RUFY3: variants seen among roughly 807,000 people sequenced by gnomAD.
RUFY3 encodes RUN and FYVE domain containing 3.
Under a neutral mutation model 84.0 loss-of-function variants are expected in RUFY3, and 34 were observed. The ratio of observed to expected loss-of-function variants is 0.40; its 90% confidence interval spans 0.31 to 0.54. The LOEUF is 0.54. Among genes scored for constraint, RUFY3 ranks in the 20% least tolerant of loss-of-function variants. The probability of loss-of-function intolerance (pLI) is 0.39; values close to 1 mark genes in which losing one functional copy is unlikely to be tolerated. For missense variants in RUFY3, 507 were observed against 736.8 expected (o/e 0.69, Z 3.61); for synonymous variants, 242 against 252.9 (o/e 0.96, Z 0.41).
intron 1 of RUFY3, 99 bp from the exon 2 acceptor site, chr4:70,762,420 C>A: frequency 9.5e-7 from 1 of 1,048,534 alleles, no homozygotes; most frequent in Non-Finnish European, 1.4e-6. Flanking sequence ...CATTTTTTTT[C>A]ACAGTGAGTA....
chr4:70,728,696 C>G (rs1718712111), intron 1 of RUFY3, among the ~76,000 whole-genome samples: 1 of 151,976 alleles, frequency 6.6e-6, no homozygotes, highest in Non-Finnish European at 1.5e-5. Context: ...TTTCTTTTTT[C>G]TTCCACATTC....
chr4:70,739,375 G>A (rs563293155), intron 1 of RUFY3, among the ~76,000 whole-genome samples: 83 of 152,210 alleles, frequency 5.5e-4, no homozygotes, highest in Middle Eastern at 3.4e-3. Flanking sequence ...GAGAAATCCA[G>A]TTGTAAGTGT....
rs1365806938 is a variant in RUFY3 at position 70,722,480 on chromosome 4, G to T, written c.-94G>T. ...GCTTTGTTTCAGAGCTTTGTATTGGGTTTTTTTGGTGAGGAGGTTGTATTT... is the reference window on the plus strand; with the variant it reads ...GCTTTGTTTCAGAGCTTTGTATTGGTTTTTTTTGGTGAGGAGGTTGTATTT... On this transcript the variant is annotated 5_prime_UTR_variant, in exon 1 of 18. Coordinates refer to ENST00000381006, the MANE Select transcript of RUFY3 (RefSeq NM_001037442.4). 5 of 1,446,572 alleles carry T rather than the reference G, an allele frequency of 3.5e-6. No individual in the cohort carries two copies. Among genetic ancestry groups the T allele is most frequent in the African/African-American group, 2.8e-5 (2 of 70,652 alleles). The allele number at this position is 1,446,572 out of a possible 1,614,324, so 89.6% of individuals were successfully genotyped here. A position where few individuals can be genotyped will look rare whatever the true frequency, so the allele number is the denominator to read the frequency against.
At chr4:70,761,229 A>G (rs192740390) in intron 1 of RUFY3, among the ~76,000 whole-genome samples, 2 of 152,344 alleles carry the variant, frequency 1.3e-5, no homozygotes, top group East Asian at 3.9e-4. Flanking sequence ...CGTCAGATCC[A>G]GGTCCAGATT....
chr4:70,793,451 G>A (rs1382873371), intron 12 of RUFY3: 2 of 1,127,598 alleles, frequency 1.8e-6, no homozygotes, highest in Non-Finnish European at 2.2e-6. Context: ...AAATTACTGT[G>A]TACTTGAGGT....
intron 15 of RUFY3, among the ~76,000 whole-genome samples, chr4:70,801,206 A>G (rs933404374): frequency 6.6e-6 from 1 of 152,098 alleles, no homozygotes. Flanking sequence ...TGGTAAGAGA[A>G]GGAAGGAACG....
intron 1 of RUFY3, among the ~76,000 whole-genome samples, chr4:70,708,694 T>C (rs1039135513): frequency 2.0e-5 from 3 of 152,206 alleles, no homozygotes; most frequent in Non-Finnish European, 1.5e-5. Context: ...TTTTAAAAAT[T>C]AAATTTTACA....
chr4:70,775,260 T>C, intron 7 of RUFY3, 27 bp downstream of exon 7: 2 of 1,410,206 alleles, frequency 1.4e-6, no homozygotes, highest in Non-Finnish European at 2.0e-6. Flanking sequence ...TATATTACTT[T>C]ACTGGGGAAT....
chr4:70,790,480 A>C (rs575667881), intron 12 of RUFY3, among the ~76,000 whole-genome samples: 2 of 152,124 alleles, frequency 1.3e-5, no homozygotes, highest in African/African-American at 4.8e-5. Context: ...AAATGTCCTA[A>C]TTCTTCCCAC....
At chr4:70,763,326 C>T (rs1408544518) in intron 2 of RUFY3, among the ~76,000 whole-genome samples, 2 of 152,012 alleles carry the variant, frequency 1.3e-5, no homozygotes, top group Non-Finnish European at 2.9e-5. Context: ...TATTATAGGG[C>T]TAGGCCACAA....
chr4:70,757,336 G>A (rs1724201451), intron 1 of RUFY3, among the ~76,000 whole-genome samples: 1 of 151,990 alleles, frequency 6.6e-6, no homozygotes, highest in Non-Finnish European at 1.5e-5. Flanking sequence ...CGGGCGCGGT[G>A]GTTCATGCCT....
chr4:70,722,523 G>A lies in RUFY3; in HGVS notation c.-51G>A, dbSNP rs756852909. 6.4e-7 allele frequency: 1 copy of A among 1,564,388 alleles called. No individual in the cohort carries two copies. The highest frequency in any genetic ancestry group is 8.7e-7 in the Non-Finnish European group (1 of 1,151,266). Reference sequence around the variant, plus strand: ...TTGTATTTATTTTTTTGGTGTGTGTGTGTGAGTGTGTGTGTGTCTGTGTGT... The same window carrying A: ...TTGTATTTATTTTTTTGGTGTGTGTATGTGAGTGTGTGTGTGTCTGTGTGT... On this transcript the variant is annotated 5_prime_UTR_variant, in exon 1 of 18. In the 5' UTR this introduces an upstream ATG that the reference lacks. Coordinates refer to ENST00000381006, the MANE Select transcript of RUFY3 (RefSeq NM_001037442.4).
intron 1 of RUFY3, among the ~76,000 whole-genome samples, chr4:70,743,321 C>T (rs1721623518): frequency 6.6e-6 from 1 of 152,114 alleles, no homozygotes; most frequent in Admixed American, 6.6e-5. Flanking sequence ...ATCCACCTGC[C>T]TCAGCCTCTC....
chr4:70,735,614 G>A (rs541750599), intron 1 of RUFY3, among the ~76,000 whole-genome samples: 26 of 152,306 alleles, frequency 1.7e-4, no homozygotes, highest in African/African-American at 6.0e-4. Context: ...GCCAAGGCAG[G>A]CGGATTGCTT....
intron 2 of RUFY3, among the ~76,000 whole-genome samples, chr4:70,762,971 C>G (rs955468400): frequency 6.6e-6 from 1 of 152,004 alleles, no homozygotes; most frequent in Non-Finnish European, 1.5e-5. Context: ...ATAGGCCTGC[C>G]CAGAATGAGA....
At chr4:70,764,441 T>A in intron 3 of RUFY3, 34 bp from the exon 4 acceptor site, 1 of 1,411,024 alleles carries the variant, frequency 7.1e-7, no homozygotes, top group African/African-American at 1.4e-5. Context: ...CTGGTGCTTA[T>A]GTTTTCAGTT....
intron 4 of RUFY3, among the ~76,000 whole-genome samples, chr4:70,767,023 T>A (rs1418534687): frequency 6.6e-6 from 1 of 152,152 alleles, no homozygotes; most frequent in Non-Finnish European, 1.5e-5. Context: ...ATATGGCCTT[T>A]TCAGACTGGC....
At position 70,722,116 on chromosome 4, in the gene RUFY3, A is replaced by C; in HGVS notation, c.-458A>C. On this transcript the variant is annotated 5_prime_UTR_variant, in exon 1 of 18. Coordinates refer to ENST00000381006, the MANE Select transcript of RUFY3 (RefSeq NM_001037442.4). ...TAAGCTACATTGAAAATATAGGTTT[A>C]TTTTTTGTTCAGGTTTTTCTTTTAT... 2 of 1,231,754 alleles carry C rather than the reference A, an allele frequency of 1.6e-6. No individual in the cohort carries two copies. The highest frequency in any genetic ancestry group is 2.0e-6 in the Non-Finnish European group (2 of 987,748). The allele number at this position is 1,231,754 out of a possible 1,614,324, so 76.3% of individuals were successfully genotyped here.
At chr4:70,792,656 G>GATAA in intron 12 of RUFY3, 2 of 985,334 alleles carry the variant, frequency 2.0e-6, no homozygotes, top group South Asian at 9.4e-5. Flanking sequence ...TGGGGACACA[G>GATAA]ATAACCCCTT....
Sources: allele counts gnomAD v4.1 joint callset (sites outside exome capture counted in the v4.1 genomes callset), GRCh38; gene constraint gnomAD v4.1.1; transcripts MANE v1.5; gene names NCBI Gene and HGNC (gene_info 2026-07-23, HGNC 2026-07-21).